Variants in ATP5MJ observed in about 807,000 individuals in gnomAD.
ATP5MJ encodes the protein ATP synthase membrane subunit j, also known as ATP synthase F(0) complex subunit j, mitochondrial.
A neutral mutation model predicts 8.3 loss-of-function variants in ATP5MJ; 4 were observed. That is an observed-to-expected ratio of 0.48 (90% CI 0.24 to 1.11). The LOEUF is 1.11. ATP5MJ is among the 50% of genes least tolerant of loss of function. The probability of loss-of-function intolerance (pLI) is 0.18; values close to 1 mark genes in which losing one functional copy is unlikely to be tolerated. For missense variants in ATP5MJ, 66 were observed against 71.8 expected (o/e 0.92, Z 0.29); for synonymous variants, 23 against 21.3 (o/e 1.08, Z -0.23).
chr14:103,921,182 G>A, intron 1 of ATP5MJ: 1 of 687,632 alleles, frequency 1.5e-6, no homozygotes, highest in Non-Finnish European at 2.5e-6. Context: ...TTAGGCAGCT[G>A]AACCTCTCAA....
chr14:103,915,022 A>T (rs371303152), intron 2 of ATP5MJ, 44 bp downstream of exon 2: 1 of 1,611,258 alleles, frequency 6.2e-7, no homozygotes. Flanking sequence ...TTTGAAAATA[A>T]TTTTCTTCCT....
At chr14:103,917,903 TCCTGATGACGAGAACCTA>T (rs2152107861) in intron 1 of ATP5MJ, 1 of 152,360 alleles carries the variant, frequency 6.6e-6, no homozygotes, top group South Asian at 2.1e-4. Flanking sequence ...TACGTCATGC[TCCTGATGACGAGAACCTA>T]CCTCCAACAC....
intron 1 of ATP5MJ, chr14:103,921,001 A>G (rs1199921544): frequency 2.6e-6 from 4 of 1,551,592 alleles, no homozygotes; most frequent in African/African-American, 2.7e-5. Flanking sequence ...TCAGCACCGT[A>G]TGATCTCTTT....
chr14:103,913,914 T>C, intron 3 of ATP5MJ, 47 bp downstream of exon 3: 1 of 1,591,432 alleles, frequency 6.3e-7, no homozygotes, highest in Non-Finnish European at 8.6e-7. Flanking sequence ...TGAAAAGACA[T>C]GATGCTGTTT....
In ATP5MJ at chr14:103,913,672, C is replaced by T. The variant is rs937519262; in HGVS notation, c.148+289G>A. On this transcript the variant is annotated intron_variant, in intron 3 of 3. Transcript: ENST00000286953. ...GAACTTCTAGGACAGCATGCTTGCA[C>T]AGCTCACTTGTGCTTCCCTATTGGT... The T allele has an allele frequency of 2.1e-5, 11 of 531,294 alleles. No homozygotes were observed. The African/African-American group carries it at 2.1e-4, about 10-fold the overall frequency. 32.9% of individuals were successfully genotyped at this position (531,294 alleles called of 1,614,324 possible).
At chr14:103,912,932 C>A (rs1595876862) in intron 3 of ATP5MJ, 1 of 532,860 alleles carries the variant, frequency 1.9e-6, no homozygotes, top group Non-Finnish European at 3.4e-6. Flanking sequence ...GGCAGGGAAA[C>A]ACCTCCTCCT....
intron 1 of ATP5MJ, chr14:103,921,130 T>C (rs748031750): frequency 2.6e-6 from 3 of 1,175,578 alleles, no homozygotes; most frequent in Non-Finnish European, 3.7e-6. Context: ...TCAGAGTTCT[T>C]GGCTTGGACT....
At chr14:103,920,468 CTTTTTTT>C (rs57538744) in intron 1 of ATP5MJ, among the ~76,000 whole-genome samples, 15 of 106,550 alleles carry the variant, frequency 1.4e-4, no homozygotes, top group African/African-American at 1.9e-4. Context: ...ACAGCCCCTA[CTTTTTTT>C]TTTTTTTTTT....
At chr14:103,921,190 C>T (rs2087675625) in intron 1 of ATP5MJ, 3 of 643,300 alleles carry the variant, frequency 4.7e-6, no homozygotes, top group Non-Finnish European at 8.2e-6. Context: ...CTGAACCTCT[C>T]AAGGCCAAGG....
In ATP5MJ at chr14:103,912,525, C is replaced by A; in HGVS notation, c.*141G>T. The stretch of plus-strand genomic sequence containing the variant: ...CAGTACCAGGTAGCAGTGCATCTCA[C>A]AGATCCATTTATTCATGCCATGAAG... On this transcript the variant is annotated 3_prime_UTR_variant, in exon 4 of 4. Coordinates refer to ENST00000286953, the MANE Select transcript of ATP5MJ (RefSeq NM_004894.3). 1 of 883,086 alleles carries A rather than the reference C, an allele frequency of 1.1e-6. No individual in the cohort carries two copies. The allele number at this position is 883,086 out of a possible 1,614,324, so 54.7% of individuals were successfully genotyped here.
chr14:103,913,729 C>T (rs977453576), intron 3 of ATP5MJ: 1 of 586,140 alleles, frequency 1.7e-6, no homozygotes, highest in Non-Finnish European at 3.0e-6. Flanking sequence ...TTAATCCATT[C>T]CTCTATTACT....
At chr14:103,915,989 T>C (rs900609696) in intron 1 of ATP5MJ, among the ~76,000 whole-genome samples, 1 of 152,230 alleles carries the variant, frequency 6.6e-6, no homozygotes, top group Non-Finnish European at 1.5e-5. Context: ...CGTCATGTAA[T>C]GAATGTCGCA....
intron 2 of ATP5MJ, chr14:103,914,258 C>A (rs898723231): frequency 1.4e-5 from 8 of 565,618 alleles, no homozygotes; most frequent in Non-Finnish European, 2.5e-5. Context: ...TCTTTGTAAT[C>A]AATGGCTTAG....
At chr14:103,920,653 G>A (rs2087669449) in intron 1 of ATP5MJ, among the ~76,000 whole-genome samples, 1 of 149,110 alleles carries the variant, frequency 6.7e-6, no homozygotes, top group South Asian at 2.1e-4. Context: ...TGTATTTTTA[G>A]TAGAGACGGC....
intron 1 of ATP5MJ, chr14:103,921,165 C>T (rs1376769190): frequency 2.5e-6 from 2 of 810,366 alleles, no homozygotes; most frequent in African/African-American, 1.7e-5. Flanking sequence ...TCTGCGTAGC[C>T]TCTGGGTTAG....
At chr14:103,915,301 C>T in intron 1 of ATP5MJ, 112 bp from the exon 2 acceptor site, 1 of 1,248,086 alleles carries the variant, frequency 8.0e-7, no homozygotes, top group Non-Finnish European at 1.1e-6. Flanking sequence ...GCTAGGGAGC[C>T]TCGCCTGTGT....
rs1056328634 is a variant in ATP5MJ at position 103,912,421 on chromosome 14, T to C, written c.*245A>G. Reference sequence around the variant, plus strand: ...GATGGGTGGCTCAGTGAGATTCTGATTGCATGCGCTGCATGACAAATTATC... The same window carrying C: ...GATGGGTGGCTCAGTGAGATTCTGACTGCATGCGCTGCATGACAAATTATC... On this transcript the variant is annotated 3_prime_UTR_variant, in exon 4 of 4. Transcript: ENST00000286953. 2.4e-5 allele frequency: 12 copies of C among 493,408 alleles called. No individual in the cohort carries two copies. Among genetic ancestry groups the C allele is most frequent in the African/African-American group, 7.6e-5 (4 of 52,488 alleles). 30.6% of individuals were successfully genotyped at this position (493,408 alleles called of 1,614,324 possible).
Position 103,917,440 on chromosome 14 carries a change from G to A in ATP5MJ, c.1-2251C>T, listed in dbSNP as rs139375591. On this transcript the variant is annotated intron_variant, in intron 1 of 3. Transcript: ENST00000286953. ...AGAATTTAGCTTTTATTCTAAAACT[G>A]TTCTCTAAATTTAACAACTTTTTTT... Among the ~76,000 whole-genome samples the A allele has an allele frequency of 1.0e-3, 155 of 151,492 alleles. 2 individuals are homozygous for A. In the East Asian group the frequency reaches 0.029, roughly 28 times the overall value.
chr14:103,915,215 A>G (rs1367631478), intron 1 of ATP5MJ, 26 bp from the exon 2 acceptor site: 2 of 1,606,776 alleles, frequency 1.2e-6, no homozygotes, highest in African/African-American at 2.7e-5. Flanking sequence ...GTGATTAAAA[A>G]TTAGAATGAT....
Sources: gnomAD v4.1 joint callset for allele counts (sites outside exome capture counted in the v4.1 genomes callset) on GRCh38, gnomAD v4.1.1 for gene constraint, MANE v1.5 for transcripts, NCBI Gene and HGNC (gene_info 2026-07-23, HGNC 2026-07-21) for gene names.